ORC5: variants seen among roughly 807,000 people sequenced by gnomAD.
ORC5 encodes the protein origin recognition complex subunit 5, also known as protein phosphatase 1, regulatory subunit 117.
In ORC5, 39 loss-of-function variants were observed where a neutral mutation model predicts 58.8. The ratio of observed to expected loss-of-function variants is 0.66; its 90% CI spans 0.51 to 0.87. ORC5 has a LOEUF of 0.87. ORC5 is among the 40% of genes least tolerant of loss of function. The probability of loss-of-function intolerance (pLI) is 0.00; values close to 1 mark genes in which losing one functional copy is unlikely to be tolerated. For synonymous variants in ORC5, 218 were observed against 177.6 expected (o/e 1.23, Z -1.81); for missense variants, 493 against 506.3 (o/e 0.97, Z 0.25).
At position 104,132,066 on chromosome 7, in the gene ORC5, CT is replaced by C. The variant is rs566643642; in HGVS notation, c.1262+4714del. 3.5e-4 allele frequency among the ~76,000 whole-genome samples: 53 copies of C among 152,196 alleles called. 1 individual carries two copies. In the South Asian group the frequency reaches 9.3e-3, roughly 27 times the overall value. ...TAAATAAACGAATGAAAAACATTATCTCTCTTTGCTACATCTACTTTCTCAT... is the reference window on the plus strand; with the variant it reads ...TAAATAAACGAATGAAAAACATTATCCTCTTTGCTACATCTACTTTCTCAT... On this transcript the variant is annotated intron_variant, in intron 13 of 13. Transcript: ENST00000297431.
Position 104,164,848 on chromosome 7 carries a change from A to G in ORC5, c.1038+387T>C, listed in dbSNP as rs575404920. Among the ~76,000 whole-genome samples, 402 of 152,294 alleles carry G rather than the reference A, an allele frequency of 2.6e-3. 1 individual carries two copies. The highest frequency in any genetic ancestry group is 9.4e-3 in the African/African-American group (390 of 41,566). ...TCACCTCAATATCTACCTACCATGC[A>G]ATTGCAAATTCTGGGGGTCTCTCAT... On this transcript the variant is annotated intron_variant, in intron 11 of 13. Coordinates refer to ENST00000297431, the MANE Select transcript of ORC5 (RefSeq NM_002553.4).
chr7:104,185,237 A>G (rs1562823297), intron 6 of ORC5, among the ~76,000 whole-genome samples: 1 of 152,174 alleles, frequency 6.6e-6, no homozygotes, highest in East Asian at 1.9e-4. Flanking sequence ...GGAACTTAAT[A>G]TAAAATTAAA....
intron 13 of ORC5, among the ~76,000 whole-genome samples, chr7:104,127,392 A>AC (rs1234390776): frequency 6.6e-6 from 1 of 152,192 alleles, no homozygotes; most frequent in East Asian, 1.9e-4. Flanking sequence ...GTGTATTGTA[A>AC]CTAAATCTGT....
At chr7:104,204,308 G>T in intron 1 of ORC5, 74 bp from the exon 2 acceptor site, 1 of 858,902 alleles carries the variant, frequency 1.2e-6, no homozygotes, top group Non-Finnish European at 1.9e-6. Context: ...TTGTGAGAAA[G>T]TTGTACGTGG....
chr7:104,177,826 G>C (rs893243225), intron 8 of ORC5, among the ~76,000 whole-genome samples: 2 of 152,092 alleles, frequency 1.3e-5, no homozygotes, highest in Admixed American at 1.3e-4. Flanking sequence ...GCAGTGTTTG[G>C]TTTTCTGTTC....
intron 2 of ORC5, among the ~76,000 whole-genome samples, chr7:104,203,741 G>A (rs1800003881): frequency 6.6e-6 from 1 of 152,148 alleles, no homozygotes. Context: ...CTTGAACACT[G>A]TCCTGAAAAT....
At chr7:104,135,723 T>C (rs192901143) in intron 13 of ORC5, among the ~76,000 whole-genome samples, 134 of 152,336 alleles carry the variant, frequency 8.8e-4, no homozygotes, top group African/African-American at 2.9e-3. Context: ...CAGAGGAGAT[T>C]TGCAAATCTA....
chr7:104,187,083 A>G (rs1333497671), intron 6 of ORC5, among the ~76,000 whole-genome samples: 8 of 152,198 alleles, frequency 5.3e-5, no homozygotes, highest in African/African-American at 1.9e-4. Context: ...CGAGTGCTAA[A>G]GAGTGGTAAC....
At chr7:104,189,435 A>G (rs1240483188) in intron 5 of ORC5, among the ~76,000 whole-genome samples, 1 of 152,102 alleles carries the variant, frequency 6.6e-6, no homozygotes, top group African/African-American at 2.4e-5. Flanking sequence ...TCCCTCCATG[A>G]CATGTGGGGA....
At chr7:104,206,944 G>T (rs1314706845) in intron 1 of ORC5, among the ~76,000 whole-genome samples, 3 of 152,150 alleles carry the variant, frequency 2.0e-5, no homozygotes, top group African/African-American at 7.2e-5. Flanking sequence ...CTAGGTTTGT[G>T]TAAATACACT....
chr7:104,160,294 A>G (rs944681450), intron 12 of ORC5, among the ~76,000 whole-genome samples: 1 of 152,242 alleles, frequency 6.6e-6, no homozygotes, highest in Non-Finnish European at 1.5e-5. Flanking sequence ...AGATTTATTC[A>G]GTGAATTAAT....
intron 8 of ORC5, among the ~76,000 whole-genome samples, chr7:104,172,339 T>C (rs1799228187): frequency 6.6e-6 from 1 of 152,212 alleles, no homozygotes; most frequent in African/African-American, 2.4e-5. Flanking sequence ...ATCACAAGCT[T>C]TTCCATTCTA....
intron 12 of ORC5, 103 bp downstream of exon 12, chr7:104,160,969 G>C: frequency 1.4e-6 from 1 of 703,380 alleles, no homozygotes; most frequent in East Asian, 2.7e-5. Flanking sequence ...AGTTAAAACA[G>C]TAACATATGT....
At chr7:104,132,820 G>A (rs887583955) in intron 13 of ORC5, among the ~76,000 whole-genome samples, 1 of 151,720 alleles carries the variant, frequency 6.6e-6, no homozygotes, top group South Asian at 2.1e-4. Flanking sequence ...CTTCCAAATC[G>A]TGTGTGTGTG....
chr7:104,183,407 G>A (rs1049382816), intron 8 of ORC5, among the ~76,000 whole-genome samples: 1 of 152,042 alleles, frequency 6.6e-6, no homozygotes, highest in African/African-American at 2.4e-5. Flanking sequence ...ACTACAGGAT[G>A]ACTGATCAGC....
At chr7:104,161,285 T>C (rs544227077) in intron 11 of ORC5, 103 bp from the exon 12 acceptor site, 25 of 628,046 alleles carry the variant, frequency 4.0e-5, no homozygotes, top group Non-Finnish European at 6.2e-5. Flanking sequence ...TTATATATAG[T>C]TCCCCTAAAA....
chr7:104,156,994 C>G (rs1798938166), intron 12 of ORC5, among the ~76,000 whole-genome samples: 1 of 151,744 alleles, frequency 6.6e-6, no homozygotes, highest in African/African-American at 2.4e-5. Flanking sequence ...ACCAAATAAG[C>G]ACTTTGAAAA....
intron 1 of ORC5, among the ~76,000 whole-genome samples, chr7:104,207,541 A>G (rs1357508707): frequency 6.6e-6 from 1 of 152,208 alleles, no homozygotes; most frequent in African/African-American, 2.4e-5. Context: ...GGGTAAGATA[A>G]CAAGCAACTT....
At chr7:104,141,665 G>A (rs1584480646) in intron 12 of ORC5, among the ~76,000 whole-genome samples, 1 of 151,998 alleles carries the variant, frequency 6.6e-6, no homozygotes, top group East Asian at 1.9e-4. Flanking sequence ...CAACAAACAT[G>A]TCTATACACT....
Sources: allele counts gnomAD v4.1 joint callset (sites outside exome capture counted in the v4.1 genomes callset), GRCh38; gene constraint gnomAD v4.1.1; transcripts MANE v1.5; gene names NCBI Gene and HGNC (gene_info 2026-07-23, HGNC 2026-07-21).